The following PRKCE variants were observed in gnomAD, a reference collection of about 807,000 sequenced individuals.
PRKCE encodes protein kinase C epsilon type.
A neutral mutation model predicts 85.4 loss-of-function variants in PRKCE; 16 were observed. The ratio of observed to expected loss-of-function variants is 0.19; its 90% confidence interval spans 0.13 to 0.28. The LOEUF is 0.28. Among genes scored for constraint, PRKCE ranks in the 10% least tolerant of loss-of-function variants. PRKCE has a pLI of 1.00. For missense variants in PRKCE, 573 were observed against 975.2 expected, an observed-to-expected ratio of 0.59 and a Z score of 5.49; for synonymous variants, 388 against 371.5, an observed-to-expected ratio of 1.04 and a Z score of -0.51.
intron 3 of PRKCE, among the ~76,000 whole-genome samples, chr2:45,977,639 A>T (rs923831121): frequency 2.3e-4 from 20 of 85,978 alleles, no homozygotes; most frequent in Non-Finnish European, 4.3e-4. Flanking sequence ...ACTCTGTCTT[A>T]AAAAAAAAAA....
At chr2:46,134,527 C>T in intron 11 of PRKCE, among the ~76,000 whole-genome samples, 1 of 152,232 alleles carries the variant, frequency 6.6e-6, no homozygotes, top group Non-Finnish European at 1.5e-5. Context: ...AAAATGCCTG[C>T]TGGCAAAGGT....
Position 46,147,407 on chromosome 2 carries a change from C to T in PRKCE, c.1731+2176C>T, listed in dbSNP as rs1676177167. Among the ~76,000 whole-genome samples, 2 of 152,156 alleles carry T rather than the reference C, an allele frequency of 1.3e-5. 1 individual carries two copies. The highest frequency in any genetic ancestry group is 4.2e-4 in the South Asian group (2 of 4,816). On this transcript the variant is annotated intron_variant, in intron 12 of 14. Transcript: ENST00000306156. ...TGCCAGAGCCTAACAGTTGACAGCCCATGTTATAGTTAAGGACCCAACCCA... is the reference window on the plus strand; with the variant it reads ...TGCCAGAGCCTAACAGTTGACAGCCTATGTTATAGTTAAGGACCCAACCCA...
chr2:45,995,791 C>T (rs774519107), intron 6 of PRKCE, among the ~76,000 whole-genome samples: 1 of 152,146 alleles, frequency 6.6e-6, no homozygotes. Context: ...TGTCAGTCTT[C>T]TGACTTCGTT....
chr2:46,153,542 G>A (rs1574614144), intron 13 of PRKCE, among the ~76,000 whole-genome samples: 1 of 152,194 alleles, frequency 6.6e-6, no homozygotes, highest in East Asian at 1.9e-4. Flanking sequence ...CCCATGAGGG[G>A]ACACTAAGGC....
rs141175760 is a variant in PRKCE at position 45,895,806 on chromosome 2, C to T, written c.412+52743C>T. On this transcript the variant is annotated intron_variant, in intron 2 of 14. Coordinates refer to ENST00000306156, the MANE Select transcript of PRKCE (RefSeq NM_005400.3). The surrounding 1 kb of genome is among the most constrained non-coding windows in gnomAD (Gnocchi z 4.8). Reference sequence around the variant, plus strand: ...AGTGAGGCAGGAATCTACGCAGGTGCGCAGGTGTAGAGGAAGTGCTGTAGG... The same window carrying T: ...AGTGAGGCAGGAATCTACGCAGGTGTGCAGGTGTAGAGGAAGTGCTGTAGG... Among the ~76,000 whole-genome samples the T allele has an allele frequency of 1.3e-3, 203 of 152,176 alleles. No homozygotes were observed. The highest frequency in any genetic ancestry group is 4.4e-3 in the African/African-American group (183 of 41,528).
intron 1 of PRKCE, among the ~76,000 whole-genome samples, chr2:45,769,631 T>C (rs1458877333): frequency 2.0e-5 from 3 of 152,260 alleles, no homozygotes; most frequent in Non-Finnish European, 4.4e-5. Flanking sequence ...TGTGAAGGGA[T>C]TCTATTTCAT....
intron 6 of PRKCE, 56 bp downstream of exon 6, chr2:45,984,736 GCCCCCA>G (rs1426379598): frequency 6.4e-7 from 1 of 1,562,658 alleles, no homozygotes; most frequent in African/African-American, 1.4e-5. Flanking sequence ...CTTGCTGCCT[GCCCCCA>G]TCCCTGCTTT....
intron 1 of PRKCE, among the ~76,000 whole-genome samples, chr2:45,669,153 C>G (rs1488403498): frequency 6.6e-6 from 1 of 152,152 alleles, no homozygotes; most frequent in East Asian, 1.9e-4. Context: ...CCCTACTTGG[C>G]TCTTTAAAAA....
At chr2:45,805,324 A>G (rs1311992716) in intron 1 of PRKCE, among the ~76,000 whole-genome samples, 1 of 152,096 alleles carries the variant, frequency 6.6e-6, no homozygotes, top group Admixed American at 6.5e-5. Flanking sequence ...AAGGCCTTTT[A>G]AGTTTGGAGC....
chr2:45,835,879 G>A (rs1231405303), intron 1 of PRKCE, among the ~76,000 whole-genome samples: 1 of 152,134 alleles, frequency 6.6e-6, no homozygotes, highest in Admixed American at 6.5e-5. Context: ...ACAGGGGTGA[G>A]CCACCGTGCC....
rs1020767421 is a variant in PRKCE at position 46,111,888 on chromosome 2, G to A, written c.1592+25526G>A. Among the ~76,000 whole-genome samples, 3 of 152,254 alleles carry A rather than the reference G, an allele frequency of 2.0e-5. No individual in the cohort carries two copies. In the East Asian group the frequency reaches 5.8e-4, roughly 29 times the overall value. Reference sequence around the variant, plus strand: ...TGTTTAACTGAGGAACTCCCTGCGTGTTTTCCAAAAATGGCTGTACCATTT... The same window carrying A: ...TGTTTAACTGAGGAACTCCCTGCGTATTTTCCAAAAATGGCTGTACCATTT... On this transcript the variant is annotated intron_variant, in intron 11 of 14. Coordinates refer to ENST00000306156, the MANE Select transcript of PRKCE (RefSeq NM_005400.3).
At chr2:46,007,362 A>G in intron 8 of PRKCE, 100 bp from the exon 9 acceptor site, 2 of 1,169,356 alleles carry the variant, frequency 1.7e-6, no homozygotes, top group Non-Finnish European at 2.5e-6. Context: ...AACCAGAAAG[A>G]GGACTGAGAG....
At chr2:45,686,541 G>A (rs887742938) in intron 1 of PRKCE, among the ~76,000 whole-genome samples, 1 of 152,154 alleles carries the variant, frequency 6.6e-6, no homozygotes, top group African/African-American at 2.4e-5. Flanking sequence ...CAGTGAGGTG[G>A]CTTGACATAG....
chr2:45,926,487 A>C (rs1698628935), intron 2 of PRKCE, among the ~76,000 whole-genome samples: 1 of 152,120 alleles, frequency 6.6e-6, no homozygotes, highest in South Asian at 2.1e-4. Context: ...GATAAAGAGG[A>C]GGGGATGTTG....
At chr2:46,169,616 G>T (rs1678691533) in intron 14 of PRKCE, among the ~76,000 whole-genome samples, 1 of 152,190 alleles carries the variant, frequency 6.6e-6, no homozygotes, top group Admixed American at 6.5e-5. Flanking sequence ...AAGCCCTCCA[G>T]AGTAGGGCTT....
intron 1 of PRKCE, among the ~76,000 whole-genome samples, chr2:45,687,303 A>T (rs938549657): frequency 2.0e-5 from 3 of 152,242 alleles, no homozygotes; most frequent in Non-Finnish European, 4.4e-5. Context: ...AATGGAATAA[A>T]GGTATAAACA....
chr2:46,170,199 C>G lies in PRKCE; in HGVS notation c.2067+10447C>G, dbSNP rs529194626. Reference sequence around the variant, plus strand: ...ACACCTCCATCCTCCCAAGAAGTTTCCTGCCCATAGCCCCAGGCAACCCTG... The same window carrying G: ...ACACCTCCATCCTCCCAAGAAGTTTGCTGCCCATAGCCCCAGGCAACCCTG... On this transcript the variant is annotated intron_variant, in intron 14 of 14. Coordinates refer to ENST00000306156, the MANE Select transcript of PRKCE (RefSeq NM_005400.3). 5.9e-5 allele frequency among the ~76,000 whole-genome samples: 9 copies of G among 152,332 alleles called. No individual in the cohort carries two copies. The South Asian group carries it at 1.7e-3, about 28-fold the overall frequency.
intron 1 of PRKCE, among the ~76,000 whole-genome samples, chr2:45,698,927 A>G (rs1035740031): frequency 6.6e-6 from 1 of 152,212 alleles, no homozygotes; most frequent in African/African-American, 2.4e-5. Flanking sequence ...ATTCACCATC[A>G]GTAGTAGGTT....
chr2:45,805,166 C>A (rs928376783), intron 1 of PRKCE, among the ~76,000 whole-genome samples: 3 of 152,112 alleles, frequency 2.0e-5, no homozygotes, highest in African/African-American at 7.2e-5. Flanking sequence ...TTTACAGAAA[C>A]CCTGTGGGTT....
Sources: allele counts gnomAD v4.1 joint callset (sites outside exome capture counted in the v4.1 genomes callset), GRCh38; gene constraint gnomAD v4.1.1; non-coding constraint Gnocchi (gnomAD v3.1); transcripts MANE v1.5; gene names NCBI Gene and HGNC (gene_info 2026-07-23, HGNC 2026-07-21).